The following TRPS1 variants were observed in gnomAD, a reference collection of about 807,000 sequenced individuals.
TRPS1 encodes zinc finger transcription factor Trps1.
In TRPS1, 6 loss-of-function variants were observed where a neutral mutation model predicts 101.2. The ratio of observed to expected loss-of-function variants is 0.06; its 90% CI spans 0.03 to 0.12. The LOEUF is 0.12. Ranked by LOEUF, TRPS1 falls within the 10% of genes least tolerant of loss-of-function variation. The pLI is 1.00. For synonymous variants in TRPS1, 578 were observed against 589.8 expected, an observed-to-expected ratio of 0.98 and a Z score of 0.29; for missense variants, 1,363 against 1,567.0, an observed-to-expected ratio of 0.87 and a Z score of 2.20.
intron 5 of TRPS1, among the ~76,000 whole-genome samples, chr8:115,515,472 A>C (rs1815686760): frequency 6.6e-6 from 1 of 151,590 alleles, no homozygotes; most frequent in Non-Finnish European, 1.5e-5. Flanking sequence ...TAATAAAAAC[A>C]GACAAATGAA....
intron 1 of TRPS1, among the ~76,000 whole-genome samples, chr8:115,659,128 C>G (rs1811739375): frequency 6.6e-6 from 1 of 151,910 alleles, no homozygotes; most frequent in African/African-American, 2.4e-5. Context: ...TTTACCACAT[C>G]ATACATCCAA....
chr8:115,458,551 C>T (rs1814086465), intron 5 of TRPS1, among the ~76,000 whole-genome samples: 1 of 152,116 alleles, frequency 6.6e-6, no homozygotes, highest in African/African-American at 2.4e-5. Context: ...TCTCAATGGG[C>T]TATGATTCTG....
intron 5 of TRPS1, among the ~76,000 whole-genome samples, chr8:115,481,399 C>T (rs765476779): frequency 6.7e-6 from 1 of 149,732 alleles, no homozygotes; most frequent in Non-Finnish European, 1.5e-5. Context: ...AAAAATCAAC[C>T]CCCCCCCACT....
At chr8:115,643,077 C>T (rs981712365) in intron 1 of TRPS1, among the ~76,000 whole-genome samples, 5 of 152,098 alleles carry the variant, frequency 3.3e-5, no homozygotes, top group African/African-American at 7.2e-5. Context: ...AAAAAATACA[C>T]TTAGTTAAAA....
intron 5 of TRPS1, among the ~76,000 whole-genome samples, chr8:115,462,877 T>C (rs1386743175): frequency 6.6e-6 from 1 of 152,206 alleles, no homozygotes; most frequent in African/African-American, 2.4e-5. Context: ...GGATATAGCA[T>C]GATGAAGCCA....
chr8:115,632,471 C>T (rs529169573), intron 1 of TRPS1, among the ~76,000 whole-genome samples: 59 of 151,982 alleles, frequency 3.9e-4, no homozygotes, highest in Non-Finnish European at 7.4e-4. Flanking sequence ...TTTTAAAATG[C>T]GCGTACACAC....
intron 1 of TRPS1, among the ~76,000 whole-genome samples, chr8:115,655,671 G>A (rs1811661409): frequency 1.3e-5 from 2 of 152,078 alleles, no homozygotes; most frequent in African/African-American, 2.4e-5. Flanking sequence ...TTACAATGGT[G>A]TTTATGAAAA....
At position 115,633,682 on chromosome 8, in the gene TRPS1, AAAC is replaced by A. The variant is rs1478500617; in HGVS notation, c.-121-9927_-121-9925del. 8.5e-5 allele frequency among the ~76,000 whole-genome samples: 13 copies of A among 152,280 alleles called. No homozygotes were observed. The East Asian group carries it at 2.1e-3, about 25-fold the overall frequency. On this transcript the variant is annotated intron_variant, in intron 1 of 6. Coordinates refer to ENST00000395715, the MANE Select transcript of TRPS1 (RefSeq NM_014112.5). The stretch of plus-strand genomic sequence containing the variant: ...ACCGGAGGGAACAGATGAGCAAATA[AAAC>A]AATACTGTGGTTTTTTCAGAGGATT...
chr8:115,639,107 C>T (rs1316601082), intron 1 of TRPS1, among the ~76,000 whole-genome samples: 1 of 152,100 alleles, frequency 6.6e-6, no homozygotes, highest in Non-Finnish European at 1.5e-5. Flanking sequence ...TCTGTTGTCC[C>T]AGCTAGAGTG....
chr8:115,417,263 G>A (rs946278040), intron 6 of TRPS1, among the ~76,000 whole-genome samples: 6 of 152,018 alleles, frequency 3.9e-5, no homozygotes. Flanking sequence ...TATGTGGTGG[G>A]GGGTGGAATC....
At chr8:115,423,376 C>T (rs1423321420) in intron 5 of TRPS1, among the ~76,000 whole-genome samples, 2 of 152,156 alleles carry the variant, frequency 1.3e-5, no homozygotes, top group East Asian at 1.9e-4. Flanking sequence ...CTGGCAAATG[C>T]TTTTCAGTGA....
At chr8:115,508,331 T>A (rs909905347) in intron 5 of TRPS1, among the ~76,000 whole-genome samples, 6 of 152,118 alleles carry the variant, frequency 3.9e-5, no homozygotes, top group Non-Finnish European at 7.4e-5. Context: ...TAATAGAGAA[T>A]CATCATACAC....
intron 5 of TRPS1, among the ~76,000 whole-genome samples, chr8:115,579,425 A>T (rs1386268602): frequency 6.6e-6 from 1 of 152,084 alleles, no homozygotes; most frequent in African/African-American, 2.4e-5. Context: ...TTTTTTTATG[A>T]TCAAGCATCA....
intron 1 of TRPS1, among the ~76,000 whole-genome samples, chr8:115,648,282 T>G (rs1302091931): frequency 1.3e-5 from 2 of 152,078 alleles, no homozygotes; most frequent in African/African-American, 4.8e-5. Context: ...CAGGCAGCGC[T>G]GGAGAGGGAG....
intron 5 of TRPS1, among the ~76,000 whole-genome samples, chr8:115,533,831 G>A (rs1433679707): frequency 6.6e-6 from 1 of 151,998 alleles, no homozygotes; most frequent in East Asian, 1.9e-4. Context: ...TCTCTCCATA[G>A]GCTAACATGG....
At position 115,604,823 on chromosome 8, in the gene TRPS1, AGAG is replaced by A. The variant is rs1817999217; in HGVS notation, c.1143_1145del (p.Ser382del). On this transcript the variant is annotated inframe_deletion, in exon 4 of 7. Coordinates refer to ENST00000395715, the MANE Select transcript of TRPS1 (RefSeq NM_014112.5). The surrounding 1 kb of genome is among the most constrained non-coding windows in gnomAD (Gnocchi z 4.1). ...TTTTCTCTGAAGGTTTTGCAACCTC[AGAG>A]GAGGGGAGAGAAGCTTTTATTTTGT... The A allele has an allele frequency of 6.2e-7, 1 of 1,613,990 alleles. No homozygotes were observed. Among genetic ancestry groups the A allele is most frequent in the Non-Finnish European group, 8.5e-7 (1 of 1,179,998 alleles).
intron 5 of TRPS1, among the ~76,000 whole-genome samples, chr8:115,546,879 G>T (rs950874565): frequency 1.3e-5 from 2 of 152,132 alleles, no homozygotes; most frequent in East Asian, 3.9e-4. Context: ...GATGTCACAA[G>T]TACGGACAAG....
chr8:115,564,150 C>G (rs562361652), intron 5 of TRPS1, among the ~76,000 whole-genome samples: 3 of 151,872 alleles, frequency 2.0e-5, no homozygotes, highest in Non-Finnish European at 4.4e-5. Flanking sequence ...ACACGTTACA[C>G]AATGATGAAT....
intron 5 of TRPS1, among the ~76,000 whole-genome samples, chr8:115,558,949 AG>A (rs377286870): frequency 1.8e-4 from 27 of 152,252 alleles, no homozygotes; most frequent in African/African-American, 6.0e-4. Flanking sequence ...TCATATGTTA[AG>A]GGGTAACATT....
Sources: allele counts gnomAD v4.1 joint callset (sites outside exome capture counted in the v4.1 genomes callset), GRCh38; gene constraint gnomAD v4.1.1; non-coding constraint Gnocchi (gnomAD v3.1); transcripts MANE v1.5; gene names NCBI Gene and HGNC (gene_info 2026-07-23, HGNC 2026-07-21).